Variants in TSHZ2 observed in about 807,000 individuals in gnomAD.
TSHZ2 encodes teashirt zinc finger homeobox 2.
A neutral mutation model predicts 74.4 loss-of-function variants in TSHZ2; 21 were observed. The ratio of observed to expected loss-of-function variants is 0.28; its 90% CI spans 0.20 to 0.41. TSHZ2 has a LOEUF of 0.41. TSHZ2 is among the 10% of genes least tolerant of loss of function. The pLI is 1.00. For missense variants in TSHZ2, 1,244 were observed against 1,293.5 expected (o/e 0.96, Z 0.59); for synonymous variants, 540 against 515.3 (o/e 1.05, Z -0.65).
At chr20:53,115,282 G>A (rs1049589509) in intron 1 of TSHZ2, among the ~76,000 whole-genome samples, 1 of 152,176 alleles carries the variant, frequency 6.6e-6, no homozygotes, top group Non-Finnish European at 1.5e-5. Context: ...ATCTTGAATT[G>A]TAGCTCCAAT....
chr20:53,247,302 C>T (rs1245401474), intron 1 of TSHZ2, among the ~76,000 whole-genome samples: 3 of 152,202 alleles, frequency 2.0e-5, no homozygotes, highest in Non-Finnish European at 2.9e-5. Flanking sequence ...GGGCCCTGGC[C>T]TGTGGTACCT....
chr20:53,453,631 T>C (rs539793878), intron 2 of TSHZ2, among the ~76,000 whole-genome samples: 71 of 152,304 alleles, frequency 4.7e-4, no homozygotes, highest in South Asian at 1.2e-3. Context: ...ATAATGAAGA[T>C]TAACGTAGGG....
chr20:53,173,325 G>T (rs567937271), intron 1 of TSHZ2, among the ~76,000 whole-genome samples: 1 of 152,306 alleles, frequency 6.6e-6, no homozygotes, highest in East Asian at 1.9e-4. Context: ...TAATAAAGCG[G>T]AGGCTGGGCG....
intron 1 of TSHZ2, among the ~76,000 whole-genome samples, chr20:53,167,837 A>C (rs569596504): frequency 3.5e-4 from 53 of 152,310 alleles, no homozygotes; most frequent in African/African-American, 1.2e-3. Context: ...GTTATGACAA[A>C]TGTGACATTA....
At chr20:53,082,602 T>C (rs1985571916) in intron 1 of TSHZ2, among the ~76,000 whole-genome samples, 1 of 152,264 alleles carries the variant, frequency 6.6e-6, no homozygotes, top group Non-Finnish European at 1.5e-5. Context: ...GATGAACTCA[T>C]TTTTAAAGCC....
chr20:53,287,790 A>G (rs1241909109), intron 2 of TSHZ2, among the ~76,000 whole-genome samples: 1 of 152,340 alleles, frequency 6.6e-6, no homozygotes, highest in East Asian at 1.9e-4. Flanking sequence ...GTCATTTTTT[A>G]GGAGTTAATA....
intron 1 of TSHZ2, among the ~76,000 whole-genome samples, chr20:53,181,327 C>A (rs148387980): frequency 6.6e-6 from 1 of 152,154 alleles, no homozygotes. Context: ...AAAGGTACCC[C>A]AGCTCCAAGA....
chr20:53,285,984 G>GT (rs139283356), intron 2 of TSHZ2, among the ~76,000 whole-genome samples: 5,552 of 151,432 alleles, frequency 0.037, 303 homozygotes, highest in African/African-American at 0.13. Flanking sequence ...GAAAACAGAG[G>GT]TTTTTTTTTA....
At chr20:53,021,591 G>A (rs1037885361) in intron 1 of TSHZ2, among the ~76,000 whole-genome samples, 3 of 152,080 alleles carry the variant, frequency 2.0e-5, no homozygotes, top group Non-Finnish European at 4.4e-5. Context: ...TTCCCCTTAC[G>A]ATAAATATGC....
chr20:53,394,497 G>C (rs1263656028), intron 2 of TSHZ2, among the ~76,000 whole-genome samples: 1 of 152,092 alleles, frequency 6.6e-6, no homozygotes, highest in Admixed American at 6.6e-5. Context: ...CTAAATATCT[G>C]CCATGTGCAG....
rs538975007 is a variant in TSHZ2 at position 53,027,735 on chromosome 20, A to T, written c.40+54402A>T. On this transcript the variant is annotated intron_variant, in intron 1 of 2. Coordinates refer to ENST00000371497, the MANE Select transcript of TSHZ2 (RefSeq NM_173485.6). Reference sequence around the variant, plus strand: ...GATCGTGCCACTACACTCCAGCCTGAGTGACAGAGCAAGACTTCAACTCAA... The same window carrying T: ...GATCGTGCCACTACACTCCAGCCTGTGTGACAGAGCAAGACTTCAACTCAA... Among the ~76,000 whole-genome samples, 4 of 152,216 alleles carry T rather than the reference A, an allele frequency of 2.6e-5. No individual in the cohort carries two copies. In the South Asian group the frequency reaches 8.3e-4, roughly 32 times the overall value.
chr20:53,403,813 G>A (rs1982755989), intron 2 of TSHZ2, among the ~76,000 whole-genome samples: 1 of 152,178 alleles, frequency 6.6e-6, no homozygotes, highest in Admixed American at 6.5e-5. Flanking sequence ...GCGGCTCGTA[G>A]GCTCTGGGCA....
chr20:53,195,058 G>A (rs952683502), intron 1 of TSHZ2, among the ~76,000 whole-genome samples: 4 of 152,132 alleles, frequency 2.6e-5, no homozygotes, highest in Non-Finnish European at 5.9e-5. Flanking sequence ...TGGTGGCAAG[G>A]GGTGAGACTG....
rs1313350541 is a variant in TSHZ2 at position 53,224,517 on chromosome 20, CTG to C, written c.41-28979_41-28978del. On this transcript the variant is annotated intron_variant, in intron 1 of 2. Coordinates refer to ENST00000371497, the MANE Select transcript of TSHZ2 (RefSeq NM_173485.6). ...TTGTGAAGCTATGATGGGAGAATAA[CTG>C]TGAAATGTTAGTGCATTCTCCAGTT... Among the ~76,000 whole-genome samples, 10 of 152,240 alleles carry C rather than the reference CTG, an allele frequency of 6.6e-5. No homozygotes were observed. In the South Asian group the frequency reaches 8.3e-4, roughly 13 times the overall value.
intron 1 of TSHZ2, among the ~76,000 whole-genome samples, chr20:53,034,461 A>G (rs535265694): frequency 2.7e-4 from 41 of 152,344 alleles, no homozygotes; most frequent in African/African-American, 7.0e-4. Flanking sequence ...AGCAAGACAG[A>G]CAAGATCCCT....
intron 2 of TSHZ2, among the ~76,000 whole-genome samples, chr20:53,472,165 G>A (rs1489226688): frequency 1.3e-5 from 2 of 152,146 alleles, no homozygotes; most frequent in Non-Finnish European, 2.9e-5. Context: ...GATTTTATAA[G>A]CTCACTTTGT....
At chr20:53,166,590 G>T (rs185724211) in intron 1 of TSHZ2, among the ~76,000 whole-genome samples, 112 of 152,204 alleles carry the variant, frequency 7.4e-4, no homozygotes, top group African/African-American at 2.6e-3. Context: ...GGCCAACATG[G>T]TGAAACCCCA....
At chr20:53,285,178 G>A (rs1420599392) in intron 2 of TSHZ2, among the ~76,000 whole-genome samples, 4 of 152,058 alleles carry the variant, frequency 2.6e-5, no homozygotes, top group Non-Finnish European at 4.4e-5. Flanking sequence ...TGAGAAACAC[G>A]GTATTAAAAA....
At chr20:53,041,622 T>A (rs1373332512) in intron 1 of TSHZ2, among the ~76,000 whole-genome samples, 2 of 152,198 alleles carry the variant, frequency 1.3e-5, no homozygotes, top group Admixed American at 6.5e-5. Context: ...CAAGTCACGC[T>A]CACTCTTTTA....
Sources: allele counts gnomAD v4.1 joint callset (sites outside exome capture counted in the v4.1 genomes callset), GRCh38; gene constraint gnomAD v4.1.1; transcripts MANE v1.5; gene names NCBI Gene and HGNC (gene_info 2026-07-23, HGNC 2026-07-21).